The following BLTP1 variants were observed in gnomAD, a reference collection of about 807,000 sequenced individuals.
BLTP1 encodes bridge-like lipid transfer protein family member 1, also known as fragile site-associated protein.
At chr4:122,171,849 C>T in the BLTP1 span, 1 of 983,920 alleles carries the variant, frequency 1.0e-6, no homozygotes, top group Non-Finnish European at 1.2e-6. Context: ...TGTTTAATCC[C>T]TCTGTTTTAC....
chr4:122,325,636 C>T, the BLTP1 span: 19 of 1,092,684 alleles, frequency 1.7e-5, no homozygotes, highest in Non-Finnish European at 2.2e-5. Context: ...ACATCTTACA[C>T]AAATGTAAAC....
At chr4:122,163,564 T>C in the BLTP1 span, among the ~76,000 whole-genome samples, 26 of 152,216 alleles carry the variant, frequency 1.7e-4, no homozygotes, top group South Asian at 6.2e-4. Context: ...ACCAATAGCA[T>C]TGGCTGCCAA....
chr4:122,223,226 TAG>T, the BLTP1 span: 14 of 831,924 alleles, frequency 1.7e-5, no homozygotes, highest in Non-Finnish European at 2.0e-5. Flanking sequence ...TCTTATGAAT[TAG>T]AGTTAGCCCT....
the BLTP1 span, chr4:122,188,266 G>T: frequency 1.7e-6 from 1 of 601,434 alleles, no homozygotes; most frequent in Non-Finnish European, 2.1e-6. Flanking sequence ...ATGCTATCCA[G>T]TGATAAACTC....
the BLTP1 span, chr4:122,306,102 T>C: frequency 1.3e-6 from 2 of 1,494,220 alleles, no homozygotes; most frequent in Non-Finnish European, 8.9e-7. Context: ...TTGTTAATGC[T>C]AGATAAGAAT....
chr4:122,170,021 A>AT, the BLTP1 span: 9 of 984,378 alleles, frequency 9.1e-6, no homozygotes, highest in Non-Finnish European at 9.6e-6. Flanking sequence ...TTAAAGAATA[A>AT]TCACGCTGGG....
chr4:122,338,467 C>A, the BLTP1 span, among the ~76,000 whole-genome samples: 1 of 151,894 alleles, frequency 6.6e-6, no homozygotes, highest in Non-Finnish European at 1.5e-5. Context: ...AGAGTGGTCT[C>A]TAAAAAAACA....
At chr4:122,190,049 G>A in the BLTP1 span, 2 of 1,613,404 alleles carry the variant, frequency 1.2e-6, no homozygotes, top group East Asian at 2.2e-5. Flanking sequence ...GTCAAATGAT[G>A]TTGACATCTA....
chr4:122,336,110 ATTAAACT>A, the BLTP1 span: 1 of 1,176,126 alleles, frequency 8.5e-7, no homozygotes, highest in Non-Finnish European at 1.2e-6. Context: ...ACTTTGCTTG[ATTAAACT>A]TTAATATAAT....
chr4:122,282,650 A>AT, the BLTP1 span, among the ~76,000 whole-genome samples: 1 of 152,148 alleles, frequency 6.6e-6, no homozygotes, highest in Non-Finnish European at 1.5e-5. Context: ...TCAAAAAAAA[A>AT]GGCAGTCTTC....
chr4:122,334,488 A>G, the BLTP1 span: 2 of 1,612,502 alleles, frequency 1.2e-6, no homozygotes, highest in East Asian at 2.2e-5. Flanking sequence ...TTTACCTTCC[A>G]CTGTCCAGAG....
chr4:122,204,000 A>T, the BLTP1 span: 5 of 230,704 alleles, frequency 2.2e-5, no homozygotes, highest in Non-Finnish European at 2.9e-5. Flanking sequence ...TCTTTTGACT[A>T]ATAGAAGTAT....
At chr4:122,336,079 G>A in the BLTP1 span, 1 of 707,794 alleles carries the variant, frequency 1.4e-6, no homozygotes, top group Non-Finnish European at 2.2e-6. Flanking sequence ...TTATTTTCTT[G>A]TAAGGCCTTA....
chr4:122,239,783 T>C, the BLTP1 span: 2 of 1,614,052 alleles, frequency 1.2e-6, no homozygotes, highest in East Asian at 2.2e-5. Context: ...CATTCCCATA[T>C]ACACCATCAG....
At chr4:122,216,137 A>ATCTG in the BLTP1 span, among the ~76,000 whole-genome samples, 8 of 143,312 alleles carry the variant, frequency 5.6e-5, no homozygotes, top group African/African-American at 1.8e-4. Flanking sequence ...CTATCTATCT[A>ATCTG]TCTATCTACC....
the BLTP1 span, among the ~76,000 whole-genome samples, chr4:122,256,348 T>C: frequency 6.6e-6 from 1 of 152,298 alleles, no homozygotes; most frequent in South Asian, 2.1e-4. Context: ...TGTGTAGTTA[T>C]AGGTAGAGAA....
the BLTP1 span, among the ~76,000 whole-genome samples, chr4:122,152,784 C>CT: frequency 0.24 from 36,534 of 152,098 alleles, 4,773 homozygotes; most frequent in African/African-American, 0.31. Flanking sequence ...GTGGCAAAGT[C>CT]TGGAAGGGCC....
chr4:122,301,138 A>G, the BLTP1 span: 1 of 692,512 alleles, frequency 1.4e-6, no homozygotes, highest in Non-Finnish European at 1.8e-6. Context: ...AATTATCCCT[A>G]TCTTTCATAT....
At chr4:122,362,567 C>A in the BLTP1 span, 1 of 171,862 alleles carries the variant, frequency 5.8e-6, no homozygotes, top group African/African-American at 2.4e-5. Context: ...ATTGGATTGG[C>A]CGTAACTTTT....
Sources: gnomAD v4.1 joint callset for allele counts (sites outside exome capture counted in the v4.1 genomes callset) on GRCh38, gnomAD v4.1.1 for gene constraint, MANE v1.5 for transcripts, NCBI Gene and HGNC (gene_info 2026-07-23, HGNC 2026-07-21) for gene names.